SPEF2: variants seen among roughly 807,000 people sequenced by gnomAD.
The protein encoded by SPEF2 is sperm flagella and cilia-associated protein 2.
Under a neutral mutation model 224.6 loss-of-function variants are expected in SPEF2, and 187 were observed. The observed-to-expected ratio is 0.83, with a 90% confidence interval of 0.74 to 0.94. The LOEUF (loss-of-function observed/expected upper bound fraction) is 0.94, where lower values mean the gene tolerates loss of function less well. SPEF2 is among the 40% of genes least tolerant of loss of function. The pLI is 0.00. For synonymous variants in SPEF2, 715 were observed against 707.3 expected, an observed-to-expected ratio of 1.01 and a Z score of -0.17; for missense variants, 2,170 against 2,135.6, an observed-to-expected ratio of 1.02 and a Z score of -0.32.
At chr5:35,704,475 T>A (rs1215433736) in intron 16 of SPEF2, 79 bp from the exon 17 acceptor site, 36 of 840,390 alleles carry the variant, frequency 4.3e-5, no homozygotes, top group Non-Finnish European at 6.8e-5. Flanking sequence ...CTGTTTGGCA[T>A]CTTTCACCAG....
intron 32 of SPEF2, among the ~76,000 whole-genome samples, chr5:35,795,306 TG>T (rs1467793251): frequency 6.6e-6 from 1 of 152,088 alleles, no homozygotes; most frequent in Non-Finnish European, 1.5e-5. Context: ...ATAAGGAATA[TG>T]AGCTATTTTT....
intron 30 of SPEF2, chr5:35,789,116 T>G: frequency 1.4e-6 from 1 of 695,796 alleles, no homozygotes. Flanking sequence ...ATAATAATTT[T>G]GGGAAAGATA....
At chr5:35,807,341 A>G (rs1758209693) in intron 36 of SPEF2, 88 bp downstream of exon 36, 1 of 1,513,430 alleles carries the variant, frequency 6.6e-7, no homozygotes, top group Admixed American at 2.2e-5. Context: ...GGCATGGAAG[A>G]GAAAGAAGCT....
intron 14 of SPEF2, among the ~76,000 whole-genome samples, chr5:35,696,617 C>G (rs1353288155): frequency 6.6e-6 from 1 of 152,112 alleles, no homozygotes; most frequent in East Asian, 1.9e-4. Flanking sequence ...TTGGATATAT[C>G]AGTGAATACA....
At position 35,670,131 on chromosome 5, in the gene SPEF2, C is replaced by T. The variant is rs753672088; in HGVS notation, c.1428C>T (p.Ala476=). The change falls in exon 10 of 37, where the codon GCC becomes GCT. Residue 476 remains alanine, a synonymous_variant. Coordinates refer to ENST00000356031, the MANE Select transcript of SPEF2 (RefSeq NM_024867.4). The part of the protein sequence containing the change: ...FFNAKPIYEQ[A]SVKTLPANPS... The stretch of plus-strand genomic sequence containing the variant: ...ATGCAAAACCCATATATGAACAAGC[C>T]TCTGTTAAGACACTACCTGCTAACC... 2 of 1,612,104 alleles carry T rather than the reference C, an allele frequency of 1.2e-6. No homozygotes were observed.
intron 23 of SPEF2, among the ~76,000 whole-genome samples, chr5:35,740,887 T>G (rs1747496196): frequency 6.6e-6 from 1 of 152,168 alleles, no homozygotes; most frequent in African/African-American, 2.4e-5. Context: ...CATTTTAAAT[T>G]GACACACCCC....
At chr5:35,781,629 A>G (rs1031854077) in intron 30 of SPEF2, 3 of 152,124 alleles carry the variant, frequency 2.0e-5, no homozygotes, top group Admixed American at 2.0e-4. Context: ...CAAGAATAAC[A>G]GTTGTAATTA....
At chr5:35,720,187 CAGAG>C (rs1743362294) in intron 20 of SPEF2, among the ~76,000 whole-genome samples, 1 of 152,170 alleles carries the variant, frequency 6.6e-6, no homozygotes, top group Non-Finnish European at 1.5e-5. Flanking sequence ...AGGAACCAGG[CAGAG>C]AGAAACAAAC....
In SPEF2 at chr5:35,713,637, G is replaced by A. The variant is rs550840940; in HGVS notation, c.2914+751G>A. Among the ~76,000 whole-genome samples, 697 of 150,334 alleles carry A rather than the reference G, an allele frequency of 4.6e-3. 5 individuals are homozygous for A. Among genetic ancestry groups the A allele is most frequent in the African/African-American group, 0.016 (662 of 40,896 alleles). ...TGTAGTCCCAGCTACTCAGGAGGCT[G>A]AGGCAGGAGAATCCCTTGAATCCGG... On this transcript the variant is annotated intron_variant, in intron 20 of 36. Coordinates refer to ENST00000356031, the MANE Select transcript of SPEF2 (RefSeq NM_024867.4).
At chr5:35,738,718 G>C (rs1235018801) in intron 21 of SPEF2, among the ~76,000 whole-genome samples, 1 of 151,516 alleles carries the variant, frequency 6.6e-6, no homozygotes, top group African/African-American at 2.4e-5. Flanking sequence ...GATGTCTGTG[G>C]GGTTGGCTAT....
At chr5:35,804,811 T>G (rs537025267) in intron 34 of SPEF2, among the ~76,000 whole-genome samples, 1 of 152,332 alleles carries the variant, frequency 6.6e-6, no homozygotes, top group African/African-American at 2.4e-5. Flanking sequence ...GAGCCCAGGT[T>G]CCTTCTTTGC....
rs1755705711 is a variant in SPEF2, at chr5:35,789,818, G to T, written c.4448-2522G>T. 1.6e-5 allele frequency: 11 copies of T among 702,670 alleles called. No individual in the cohort carries two copies. The East Asian group carries it at 3.0e-4, about 19-fold the overall frequency. The allele number at this position is 702,670 out of a possible 1,614,324, so 43.5% of individuals were successfully genotyped here. On this transcript the variant is annotated intron_variant, in intron 30 of 36. Coordinates refer to ENST00000356031, the MANE Select transcript of SPEF2 (RefSeq NM_024867.4). ...GATTATAGAATTTGGAGAAAAAGAG[G>T]TATCCATCCTGACTGCACATTATGA... is the stretch of plus-strand genomic sequence containing the variant.
chr5:35,704,639 T>C lies in SPEF2; in HGVS notation c.2484T>C (p.Asn828=), dbSNP rs1739368755. The part of the protein sequence containing the change: ...AENQDKDGDQ[N]LRDQIQHRII... ...ACCAAGATAAGGATGGAGACCAAAATTTAAGAGACCAGATACAACATAGGT... is the reference window on the plus strand; with the variant it reads ...ACCAAGATAAGGATGGAGACCAAAACTTAAGAGACCAGATACAACATAGGT... The change falls in exon 17 of 37, where the codon AAT becomes AAC. Residue 828 remains asparagine, a synonymous_variant. Coordinates refer to ENST00000356031, the MANE Select transcript of SPEF2 (RefSeq NM_024867.4). 1 of 1,610,336 alleles carries C rather than the reference T, an allele frequency of 6.2e-7. No individual in the cohort carries two copies. Among genetic ancestry groups the C allele is most frequent in the African/African-American group, 1.3e-5 (1 of 74,788 alleles).
chr5:35,646,211 T>G (rs1290225148), intron 4 of SPEF2, among the ~76,000 whole-genome samples: 2 of 152,128 alleles, frequency 1.3e-5, no homozygotes, highest in African/African-American at 4.8e-5. Flanking sequence ...GACTGGGTTT[T>G]GGGGAAGTTT....
chr5:35,641,907 C>G (rs1424279376), intron 3 of SPEF2, among the ~76,000 whole-genome samples: 1 of 152,076 alleles, frequency 6.6e-6, no homozygotes, highest in African/African-American at 2.4e-5. Flanking sequence ...TTATCAAACT[C>G]TTTTCCTAGT....
Position 35,646,729 on chromosome 5 carries a change from G to C in SPEF2, c.648G>C (p.Gln216His), listed in dbSNP as rs1298006115. The change falls in exon 5 of 37, where the codon CAG (glutamine) becomes CAC (histidine). Residue 216 changes from glutamine (Q) to histidine (H), a missense_variant. By Grantham distance (24) the Gln-to-His change is conservative. Coordinates refer to ENST00000356031, the MANE Select transcript of SPEF2 (RefSeq NM_024867.4). ...CCAAAATCCAAGCAGCTATTATACA[G>C]ATTCCTAAACCTGCATCAAATCGTA... ...IMAKIQAAII[Q>H]IPKPASNRTL... 27 of 1,613,784 alleles carry C rather than the reference G, an allele frequency of 1.7e-5. No homozygotes were observed. Among genetic ancestry groups the C allele is most frequent in the Non-Finnish European group, 2.2e-5 (26 of 1,179,940 alleles).
intron 10 of SPEF2, among the ~76,000 whole-genome samples, chr5:35,684,254 C>T (rs1217601556): frequency 6.6e-6 from 1 of 152,130 alleles, no homozygotes; most frequent in Admixed American, 6.6e-5. Context: ...TCTTTTCACT[C>T]GTCATGTTCT....
chr5:35,713,778 A>ATTTTATATATAGTATATATG (rs1397300449), intron 20 of SPEF2, among the ~76,000 whole-genome samples: 150 of 117,208 alleles, frequency 1.3e-3, no homozygotes, highest in East Asian at 3.7e-3. Context: ...TAGTATATAT[A>ATTTTATATATAGTATATATG]TTATATATAG....
chr5:35,680,184 A>G (rs1053653917), intron 10 of SPEF2, among the ~76,000 whole-genome samples: 2 of 152,316 alleles, frequency 1.3e-5, no homozygotes, highest in Admixed American at 6.5e-5. Context: ...TTTTTCATAT[A>G]TTACATCTTA....
Sources: gnomAD v4.1 joint callset for allele counts (sites outside exome capture counted in the v4.1 genomes callset) on GRCh38, gnomAD v4.1.1 for gene constraint, MANE v1.5 for transcripts, NCBI Gene and HGNC (gene_info 2026-07-23, HGNC 2026-07-21) for gene names.